GRIN2A: variants seen among roughly 807,000 people sequenced by gnomAD.
The protein encoded by GRIN2A is glutamate receptor ionotropic, NMDA 2A.
GRIN2A carries 22 observed loss-of-function variants against 113.4 expected under a neutral mutation model. That is an observed-to-expected ratio of 0.19 (90% CI 0.14 to 0.28). The LOEUF (loss-of-function observed/expected upper bound fraction) is 0.28. GRIN2A is among the 10% of genes least tolerant of loss of function. The pLI is 1.00. For synonymous variants in GRIN2A, 827 were observed against 738.4 expected (o/e 1.12, Z -1.94); for missense variants, 1,502 against 1,887.0 (o/e 0.80, Z 3.78).
intron 3 of GRIN2A, among the ~76,000 whole-genome samples, chr16:9,912,975 C>T (rs2044175911): frequency 1.3e-5 from 2 of 152,184 alleles, no homozygotes; most frequent in African/African-American, 4.8e-5. Flanking sequence ...AGAACTGCTC[C>T]CTCTGCCCTT....
intron 2 of GRIN2A, among the ~76,000 whole-genome samples, chr16:10,116,632 T>C (rs542887750): frequency 1.6e-4 from 24 of 152,032 alleles, no homozygotes; most frequent in African/African-American, 5.3e-4. Flanking sequence ...GGTGAGGAAG[T>C]AGAAAAATAA....
At chr16:9,811,651 C>T (rs141291752) in intron 10 of GRIN2A, among the ~76,000 whole-genome samples, 22 of 152,262 alleles carry the variant, frequency 1.4e-4, no homozygotes, top group Non-Finnish European at 2.5e-4. Context: ...TCCCAGTACT[C>T]GGGATGCTGA....
intron 2 of GRIN2A, among the ~76,000 whole-genome samples, chr16:10,071,734 C>A (rs1267306688): frequency 6.6e-6 from 1 of 152,152 alleles, no homozygotes. Flanking sequence ...CTTCTATCAC[C>A]AGTATGGTCC....
At position 10,020,553 on chromosome 16, in the gene GRIN2A, T is replaced by C. The variant is rs77475668; in HGVS notation, c.415-82002A>G. ...GCTGTGTGTGCAATAAATATAGAAT[T>C]AGAATTTTCCACATTGAGTTTCTGA... On this transcript the variant is annotated intron_variant, in intron 2 of 12. Transcript: ENST00000330684. Among the ~76,000 whole-genome samples the C allele has an allele frequency of 5.3e-3, 813 of 152,296 alleles. 11 individuals are homozygous for C. Among genetic ancestry groups the C allele is most frequent in the African/African-American group, 0.019 (779 of 41,546 alleles).
intron 2 of GRIN2A, among the ~76,000 whole-genome samples, chr16:9,943,844 G>A (rs940076024): frequency 2.0e-5 from 3 of 152,204 alleles, no homozygotes; most frequent in African/African-American, 4.8e-5. Flanking sequence ...ATGCAAGTCT[G>A]ATTGAAAGGG....
Position 9,763,043 on chromosome 16 carries a change from C to T in GRIN2A, c.*106G>A, listed in dbSNP as rs1221088553. 3.5e-6 allele frequency: 4 copies of T among 1,159,166 alleles called. No homozygotes were observed. The highest frequency in any genetic ancestry group is 5.0e-6 in the Non-Finnish European group (4 of 792,206). 71.8% of individuals were successfully genotyped at this position (1,159,166 alleles called of 1,614,324 possible). A position where few individuals can be genotyped will look rare whatever the true frequency, so the allele number is the denominator to read the frequency against. On this transcript the variant is annotated 3_prime_UTR_variant, in exon 13 of 13. Transcript: ENST00000330684. ...ACAACAACAACAAAATACCTCCCTACATCTTCTTCCTCTTAGCAGGGCACT... is the reference window on the plus strand; with the variant it reads ...ACAACAACAACAAAATACCTCCCTATATCTTCTTCCTCTTAGCAGGGCACT...
In GRIN2A at chr16:9,840,709, T is replaced by C; in HGVS notation, c.1589A>G (p.Glu530Gly). ...TGAAACCATGACACTGATTCCCGTT[T>C]CCACAAAGGGCACAGAGAAGTCCAC... ...EVVDFSVPFV[E>G]TGISVMVSRS... Residue 530 changes from glutamate (E) to glycine (G), a missense_variant, in exon 7 of 13, where the codon GAA (glutamate) becomes GGA (glycine). Around this residue, in one of 7 missense-constraint regions of GRIN2A, gnomAD observed 82 missense variants for 222.7 expected, o/e 0.37. Transcript: ENST00000330684. The C allele has an allele frequency of 6.2e-7, 1 of 1,611,730 alleles. No homozygotes were observed. Among genetic ancestry groups the C allele is most frequent in the Non-Finnish European group, 8.5e-7 (1 of 1,179,732 alleles).
chr16:10,136,727 G>C (rs1285787312), intron 2 of GRIN2A, among the ~76,000 whole-genome samples: 1 of 152,194 alleles, frequency 6.6e-6, no homozygotes, highest in Non-Finnish European at 1.5e-5. Flanking sequence ...TGATGATGAT[G>C]TTTATAGCAG....
chr16:9,769,344 G>A, intron 11 of GRIN2A: 1 of 172,304 alleles, frequency 5.8e-6, no homozygotes, highest in South Asian at 1.4e-4. Context: ...TAGAGAGAGA[G>A]TATAGCAAAC....
intron 10 of GRIN2A, among the ~76,000 whole-genome samples, chr16:9,811,422 T>C (rs1384774057): frequency 6.6e-6 from 1 of 152,094 alleles, no homozygotes; most frequent in African/African-American, 2.4e-5. Context: ...CAGGAGGAAA[T>C]GAGGTCACAT....
rs991571164 is a variant in GRIN2A at position 9,899,073 on chromosome 16, G to A, written c.1008-7973C>T. 7.9e-5 allele frequency among the ~76,000 whole-genome samples: 12 copies of A among 151,902 alleles called. No individual in the cohort carries two copies. In the East Asian group the frequency reaches 2.3e-3, roughly 29 times the overall value. On this transcript the variant is annotated intron_variant, in intron 3 of 12. Coordinates refer to ENST00000330684, the MANE Select transcript of GRIN2A (RefSeq NM_001134407.3). ...GCCCTGGTGCTCAATTTCATATACA[G>A]TACTCATTGGTGGTTTCCTGTTCCC...
intron 2 of GRIN2A, among the ~76,000 whole-genome samples, chr16:10,098,936 C>T (rs2048345077): frequency 1.6e-5 from 2 of 126,108 alleles, no homozygotes; most frequent in Admixed American, 7.5e-5. Context: ...TCCCCCCTCC[C>T]CCCCCCAAAA....
intron 3 of GRIN2A, among the ~76,000 whole-genome samples, chr16:9,903,720 T>A (rs968152444): frequency 2.6e-5 from 4 of 152,222 alleles, no homozygotes; most frequent in Admixed American, 6.5e-5. Context: ...TCAACCCCTG[T>A]TCTTCATGTG....
chr16:10,065,921 G>A lies in GRIN2A; in HGVS notation c.414+114077C>T, dbSNP rs766890758. Among the ~76,000 whole-genome samples the A allele has an allele frequency of 8.5e-5, 13 of 152,246 alleles. No individual in the cohort carries two copies. In the South Asian group the frequency reaches 1.2e-3, roughly 15 times the overall value. The stretch of plus-strand genomic sequence containing the variant: ...TGATAGATACTGGGTGGAAACATGG[G>A]TCTCTTACGAATAGAGAGCTGAAAG... On this transcript the variant is annotated intron_variant, in intron 2 of 12. Transcript: ENST00000330684.
intron 2 of GRIN2A, among the ~76,000 whole-genome samples, chr16:10,136,578 G>A (rs1006326189): frequency 2.7e-5 from 4 of 150,792 alleles, no homozygotes; most frequent in African/African-American, 9.9e-5. Flanking sequence ...ATTAAAAAAA[G>A]AAATCATTGC....
intron 2 of GRIN2A, among the ~76,000 whole-genome samples, chr16:9,974,583 G>C (rs570254618): frequency 1.3e-3 from 203 of 152,234 alleles, no homozygotes; most frequent in African/African-American, 4.8e-3. Context: ...CGATGCTCGC[G>C]GCCGAATAAA....
intron 2 of GRIN2A, among the ~76,000 whole-genome samples, chr16:10,076,665 C>A (rs903166271): frequency 6.6e-6 from 1 of 152,202 alleles, no homozygotes; most frequent in African/African-American, 2.4e-5. Flanking sequence ...CTACCTCAAG[C>A]AGCTCATAGT....
intron 2 of GRIN2A, among the ~76,000 whole-genome samples, chr16:10,169,447 G>T (rs2049993654): frequency 6.6e-6 from 1 of 152,152 alleles, no homozygotes. Context: ...GTGGGAATGT[G>T]ACCCAGTTCT....
intron 11 of GRIN2A, among the ~76,000 whole-genome samples, chr16:9,774,852 T>A (rs374900853): frequency 1.3e-5 from 2 of 152,012 alleles, no homozygotes; most frequent in African/African-American, 4.8e-5. Flanking sequence ...AGCTGGGGGG[T>A]GGGATGGACC....
Sources: gnomAD v4.1 joint callset for allele counts (sites outside exome capture counted in the v4.1 genomes callset) on GRCh38, gnomAD v4.1.1 for gene constraint, gnomAD v4.1.1 regional missense constraint, MANE v1.5 for transcripts, NCBI Gene and HGNC (gene_info 2026-07-23, HGNC 2026-07-21) for gene names.